The following MERTK variants were observed in gnomAD, a reference collection of about 807,000 sequenced individuals.
MERTK encodes tyrosine-protein kinase Mer.
In MERTK, 69 loss-of-function variants were observed where a neutral mutation model predicts 99.3. That is an observed-to-expected ratio of 0.70 (90% CI 0.57 to 0.85). The LOEUF (loss-of-function observed/expected upper bound fraction) is 0.85. Among genes scored for constraint, MERTK ranks in the 40% least tolerant of loss-of-function variants. MERTK has a pLI of 0.00. For missense variants in MERTK, 1,125 were observed against 1,249.4 expected, an observed-to-expected ratio of 0.90 and a Z score of 1.50; for synonymous variants, 426 against 467.6, an observed-to-expected ratio of 0.91 and a Z score of 1.15.
At chr2:111,968,781 G>A (rs530387521) in intron 6 of MERTK, among the ~76,000 whole-genome samples, 16 of 151,994 alleles carry the variant, frequency 1.1e-4, no homozygotes, top group South Asian at 8.3e-4. Flanking sequence ...CGCCCGCCTC[G>A]GCCTCCCAAA....
intron 13 of MERTK, 146 bp from the exon 14 acceptor site, chr2:112,008,237 C>T: frequency 2.9e-6 from 2 of 699,528 alleles, no homozygotes; most frequent in Admixed American, 2.0e-5. Flanking sequence ...GCCCTACTAG[C>T]CCCTGACAAC....
chr2:111,963,391 A>ACGGGTGT (rs1218132258), intron 4 of MERTK, among the ~76,000 whole-genome samples: 1 of 152,150 alleles, frequency 6.6e-6, no homozygotes, highest in Admixed American at 6.5e-5. Context: ...CAGATCCTTT[A>ACGGGTGT]CGGGTGTCGG....
intron 15 of MERTK, among the ~76,000 whole-genome samples, chr2:112,019,119 G>A (rs1049641210): frequency 2.0e-5 from 3 of 152,010 alleles, no homozygotes; most frequent in African/African-American, 4.8e-5. Context: ...AAGGATACAC[G>A]GAAGGATCAC....
In MERTK at chr2:111,999,944, G is replaced by A. The variant is rs542932545; in HGVS notation, c.1605-1257G>A. Reference sequence around the variant, plus strand: ...TTGCAAAGTACATTCTCAAGGGCCCGGGAGAATATTACAAAGTACCTTCTC... The same window carrying A: ...TTGCAAAGTACATTCTCAAGGGCCCAGGAGAATATTACAAAGTACCTTCTC... On this transcript the variant is annotated intron_variant, in intron 10 of 18. Coordinates refer to ENST00000295408, the MANE Select transcript of MERTK (RefSeq NM_006343.3). Among the ~76,000 whole-genome samples, 114 of 152,240 alleles carry A rather than the reference G, an allele frequency of 7.5e-4. 1 individual carries two copies. Among genetic ancestry groups the A allele is most frequent in the African/African-American group, 2.2e-3 (93 of 41,532 alleles).
At position 112,029,082 on chromosome 2, in the gene MERTK, G is replaced by A; in HGVS notation, c.*218G>A. The A allele has an allele frequency of 8.0e-7, 1 of 1,247,302 alleles. No individual in the cohort carries two copies. Among genetic ancestry groups the A allele is most frequent in the Non-Finnish European group, 1.0e-6 (1 of 986,912 alleles). The allele number at this position is 1,247,302 out of a possible 1,614,324, so 77.3% of individuals were successfully genotyped here. A position where few individuals can be genotyped will look rare whatever the true frequency, so the allele number is the denominator to read the frequency against. On this transcript the variant is annotated 3_prime_UTR_variant, in exon 19 of 19. Coordinates refer to ENST00000295408, the MANE Select transcript of MERTK (RefSeq NM_006343.3). ...TGTGTATATCATGGAAAAAGACAAG[G>A]ATATTTTAATAAAACATTACTTATT...
intron 8 of MERTK, among the ~76,000 whole-genome samples, 187 bp downstream of exon 8, chr2:111,983,180 G>A (rs1223010980): frequency 1.3e-5 from 2 of 152,106 alleles, no homozygotes; most frequent in Admixed American, 1.3e-4. Flanking sequence ...AAAATTCTAA[G>A]GTATCTTTTG....
chr2:111,922,584 CA>C (rs746191685), intron 1 of MERTK, among the ~76,000 whole-genome samples: 4 of 152,346 alleles, frequency 2.6e-5, no homozygotes, highest in Non-Finnish European at 5.9e-5. Flanking sequence ...AGGTGGCCAG[CA>C]GGCCAGGGTT....
At chr2:111,998,778 C>T (rs1027255823) in intron 10 of MERTK, among the ~76,000 whole-genome samples, 3 of 152,110 alleles carry the variant, frequency 2.0e-5, no homozygotes, top group African/African-American at 7.2e-5. Context: ...AACAAGATTA[C>T]AATACTATTT....
At chr2:111,933,239 C>G (rs897034309) in intron 2 of MERTK, among the ~76,000 whole-genome samples, 8 of 152,166 alleles carry the variant, frequency 5.3e-5, no homozygotes, top group African/African-American at 1.9e-4. Context: ...AAACAGGGAG[C>G]CTGATTTGCA....
At chr2:111,934,021 C>T (rs919380309) in intron 2 of MERTK, among the ~76,000 whole-genome samples, 2 of 152,094 alleles carry the variant, frequency 1.3e-5, no homozygotes, top group Non-Finnish European at 2.9e-5. Context: ...CGGTTTCCAG[C>T]GTCATCCATG....
intron 1 of MERTK, among the ~76,000 whole-genome samples, chr2:111,922,695 A>C (rs1287761507): frequency 6.6e-6 from 1 of 152,186 alleles, no homozygotes; most frequent in Admixed American, 6.5e-5. Flanking sequence ...TCTTGTCCTC[A>C]CAAGAGTTCA....
At chr2:112,009,908 CA>C (rs1217577342) in intron 14 of MERTK, 39 bp from the exon 15 acceptor site, 1 of 1,467,402 alleles carries the variant, frequency 6.8e-7, no homozygotes, top group South Asian at 1.1e-5. Context: ...GTCACAGTAA[CA>C]AGGACTCTTT....
At position 112,019,537 on chromosome 2, in the gene MERTK, C is replaced by A; in HGVS notation, c.2189+15C>A. Reference sequence around the variant, plus strand: ...CGAAACTGCATGTAAGAGTCCTCGGCTATCCTGGAAGGGTTTGGACCTCAT... The same window carrying A: ...CGAAACTGCATGTAAGAGTCCTCGGATATCCTGGAAGGGTTTGGACCTCAT... On this transcript the variant is annotated intron_variant, in intron 16 of 18. Transcript: ENST00000295408. 10 of 1,580,616 alleles carry A rather than the reference C, an allele frequency of 6.3e-6. No homozygotes were observed. The highest frequency in any genetic ancestry group is 8.7e-6 in the Non-Finnish European group (10 of 1,149,490).
intron 3 of MERTK, among the ~76,000 whole-genome samples, chr2:111,946,269 TTTTA>T (rs1177126693): frequency 6.6e-6 from 1 of 152,032 alleles, no homozygotes; most frequent in African/African-American, 2.4e-5. Flanking sequence ...TTACAGGAGA[TTTTA>T]TTTGTCAGAA....
chr2:111,901,387 T>C (rs6755101), intron 1 of MERTK, among the ~76,000 whole-genome samples: 34,970 of 152,120 alleles, frequency 0.23, 4,339 homozygotes, highest in Middle Eastern at 0.37. Flanking sequence ...CAGTATATTG[T>C]AAACATCTTC....
intron 1 of MERTK, among the ~76,000 whole-genome samples, chr2:111,919,804 T>C (rs1367828018): frequency 4.0e-5 from 6 of 150,530 alleles, no homozygotes; most frequent in Non-Finnish European, 7.4e-5. Context: ...CTTTTCTTTT[T>C]TTTTTTTTTT....
At chr2:112,009,108 T>G (rs1364949262) in intron 14 of MERTK, among the ~76,000 whole-genome samples, 1 of 152,212 alleles carries the variant, frequency 6.6e-6, no homozygotes, top group Non-Finnish European at 1.5e-5. Context: ...TCTGCTGACC[T>G]TGGTGTTTTG....
At chr2:112,008,264 G>C (rs1456405146) in intron 13 of MERTK, 119 bp from the exon 14 acceptor site, 3 of 757,382 alleles carry the variant, frequency 4.0e-6, no homozygotes, top group African/African-American at 3.4e-5. Context: ...TCTGTTTCCT[G>C]TCTCTATACT....
chr2:111,971,367 G>A (rs1676116121), intron 6 of MERTK, among the ~76,000 whole-genome samples: 1 of 150,576 alleles, frequency 6.6e-6, no homozygotes, highest in Non-Finnish European at 1.5e-5. Flanking sequence ...CTTTGGTTTA[G>A]TTTGCTCTTT....
Sources: gnomAD v4.1 joint callset for allele counts (sites outside exome capture counted in the v4.1 genomes callset) on GRCh38, gnomAD v4.1.1 for gene constraint, MANE v1.5 for transcripts, NCBI Gene and HGNC (gene_info 2026-07-23, HGNC 2026-07-21) for gene names.